The following CCSER2 variants were observed in gnomAD, a reference collection of about 807,000 sequenced individuals.
CCSER2 encodes the protein coiled-coil serine rich protein 2.
Under a neutral mutation model 92.3 loss-of-function variants are expected in CCSER2, and 46 were observed. That is an observed-to-expected ratio of 0.50 (90% CI 0.39 to 0.64). The LOEUF is 0.64. Among genes scored for constraint, CCSER2 ranks in the 30% least tolerant of loss-of-function variants. The probability of loss-of-function intolerance (pLI) is 0.00; values close to 1 mark genes in which losing one functional copy is unlikely to be tolerated. For missense variants in CCSER2, 1,244 were observed against 1,238.9 expected (o/e 1.00, Z -0.06); for synonymous variants, 433 against 431.4 (o/e 1.00, Z -0.04).
At chr10:84,349,787 T>A (rs1240576835) in intron 1 of CCSER2, among the ~76,000 whole-genome samples, 1 of 152,216 alleles carries the variant, frequency 6.6e-6, no homozygotes. Context: ...TCCTACCTGA[T>A]TTTTTCCTGC....
chr10:84,332,436 A>ATATTTTTT (rs1401635246), intron 1 of CCSER2, among the ~76,000 whole-genome samples: 10 of 55,202 alleles, frequency 1.8e-4, no homozygotes, highest in South Asian at 9.1e-4. Flanking sequence ...ATATATATAT[A>ATATTTTTT]TTTTTTTTTT....
intron 1 of CCSER2, among the ~76,000 whole-genome samples, chr10:84,347,780 G>A (rs530137728): frequency 6.6e-6 from 1 of 151,862 alleles, no homozygotes; most frequent in Non-Finnish European, 1.5e-5. Context: ...CTCAGACGGG[G>A]CGGCTGGACA....
chr10:84,483,998 A>ATAAT (rs1564711769), intron 9 of CCSER2, among the ~76,000 whole-genome samples: 9 of 55,262 alleles, frequency 1.6e-4, no homozygotes, highest in African/African-American at 8.8e-4. Flanking sequence ...TATATATATA[A>ATAAT]TTTTTTTTTT....
chr10:84,332,883 C>T (rs1380294778), intron 1 of CCSER2, among the ~76,000 whole-genome samples: 1 of 152,016 alleles, frequency 6.6e-6, no homozygotes, highest in East Asian at 1.9e-4. Context: ...CTGTTTGATG[C>T]ATACTTTTAT....
At chr10:84,436,171 C>A (rs1844112205) in intron 5 of CCSER2, among the ~76,000 whole-genome samples, 1 of 147,838 alleles carries the variant, frequency 6.8e-6, no homozygotes. Context: ...ACTAAAAATA[C>A]AAAAAATTAG....
intron 1 of CCSER2, among the ~76,000 whole-genome samples, chr10:84,338,306 C>G (rs7074920): frequency 6.8e-6 from 1 of 146,710 alleles, no homozygotes; most frequent in Non-Finnish European, 1.5e-5. Context: ...AAAAAAAAAA[C>G]AAAAAAAAAC....
At chr10:84,387,373 G>C (rs1374661715) in intron 3 of CCSER2, among the ~76,000 whole-genome samples, 1 of 152,058 alleles carries the variant, frequency 6.6e-6, no homozygotes, top group Non-Finnish European at 1.5e-5. Context: ...TACTGACTTA[G>C]TGTGTTTAGG....
At chr10:84,465,187 T>C (rs1215776006) in intron 7 of CCSER2, among the ~76,000 whole-genome samples, 1 of 148,676 alleles carries the variant, frequency 6.7e-6, no homozygotes, top group Non-Finnish European at 1.5e-5. Flanking sequence ...AAAAAAAAAA[T>C]TGTGAATTTG....
chr10:84,436,361 C>T (rs1292678848), intron 5 of CCSER2, among the ~76,000 whole-genome samples: 6 of 108,228 alleles, frequency 5.5e-5, no homozygotes, highest in South Asian at 2.8e-4. Flanking sequence ...AAATGCCGGG[C>T]GCGGTGTCTC....
chr10:84,500,060 G>A, intron 9 of CCSER2: 1 of 1,543,056 alleles, frequency 6.5e-7, no homozygotes, highest in Middle Eastern at 1.7e-4. Context: ...TTTCTATCCT[G>A]AGTGCTCTGC....
intron 3 of CCSER2, among the ~76,000 whole-genome samples, chr10:84,407,657 C>G (rs1842444600): frequency 6.6e-6 from 1 of 152,250 alleles, no homozygotes; most frequent in Non-Finnish European, 1.5e-5. Flanking sequence ...AATCCATTCT[C>G]TGCACTGCAG....
At chr10:84,394,382 A>AGTGTGT (rs879520976) in intron 3 of CCSER2, among the ~76,000 whole-genome samples, 202 of 91,262 alleles carry the variant, frequency 2.2e-3, no homozygotes, top group Middle Eastern at 0.014. Flanking sequence ...ACAAAAGGAA[A>AGTGTGT]GTATGTGTGT....
intron 9 of CCSER2, among the ~76,000 whole-genome samples, chr10:84,484,674 A>G (rs1847700757): frequency 1.3e-5 from 2 of 152,186 alleles, no homozygotes; most frequent in South Asian, 4.1e-4. Flanking sequence ...TTTTTAAATT[A>G]TTCAATGTTT....
chr10:84,354,237 T>G lies in CCSER2; in HGVS notation c.-39-16777T>G, dbSNP rs567175151. The stretch of plus-strand genomic sequence containing the variant: ...ACAAAAAAACAAGATTACGTCTATG[T>G]TGTCTCAAGTTACTTTTTTTTTTTT... On this transcript the variant is annotated intron_variant, in intron 1 of 9. Coordinates refer to ENST00000372088, the MANE Select transcript of CCSER2 (RefSeq NM_001284240.2). Among the ~76,000 whole-genome samples the G allele has an allele frequency of 4.9e-5, 7 of 142,264 alleles. No homozygotes were observed. In the South Asian group the frequency reaches 1.7e-3, roughly 34 times the overall value. The allele number at this position is 142,264 out of a possible 152,430, so 93.3% of individuals were successfully genotyped here. A position where few individuals can be genotyped will look rare whatever the true frequency, so the allele number is the denominator to read the frequency against.
intron 3 of CCSER2, among the ~76,000 whole-genome samples, chr10:84,388,675 T>C: frequency 6.6e-6 from 1 of 152,206 alleles, no homozygotes; most frequent in Admixed American, 6.5e-5. Flanking sequence ...GAAGACAGTT[T>C]TTCCATGGAC....
At chr10:84,400,011 T>C (rs113349948) in intron 3 of CCSER2, among the ~76,000 whole-genome samples, 16 of 152,252 alleles carry the variant, frequency 1.1e-4, no homozygotes, top group African/African-American at 3.8e-4. Context: ...CTTTTTTGTG[T>C]GTTTATTGTC....
intron 9 of CCSER2, among the ~76,000 whole-genome samples, chr10:84,495,286 T>C (rs114090848): frequency 1.3e-5 from 2 of 152,272 alleles, no homozygotes; most frequent in African/African-American, 2.4e-5. Flanking sequence ...CTTTCTGTTA[T>C]TGATTTCTAA....
intron 1 of CCSER2, among the ~76,000 whole-genome samples, chr10:84,370,453 T>G (rs965848934): frequency 2.0e-5 from 3 of 152,084 alleles, no homozygotes; most frequent in African/African-American, 7.2e-5. Flanking sequence ...TGCTACTGAT[T>G]TGTGTACTTT....
chr10:84,375,530 GGTTTGT>G (rs1846282072), intron 3 of CCSER2, among the ~76,000 whole-genome samples: 1 of 95,222 alleles, frequency 1.1e-5, no homozygotes, highest in African/African-American at 3.7e-5. Flanking sequence ...CAGAATTGTT[GGTTTGT>G]TTTTTTTTTT....
Sources: allele counts gnomAD v4.1 joint callset (sites outside exome capture counted in the v4.1 genomes callset), GRCh38; gene constraint gnomAD v4.1.1; transcripts MANE v1.5; gene names NCBI Gene and HGNC (gene_info 2026-07-23, HGNC 2026-07-21).